Variants in NSUN7 observed in about 807,000 individuals in gnomAD.
NSUN7 encodes protein NSUN7.
Under a neutral mutation model 58.5 loss-of-function variants are expected in NSUN7, and 39 were observed. That is an observed-to-expected ratio of 0.67 (90% CI 0.52 to 0.87). NSUN7 has a LOEUF of 0.87. Among genes scored for constraint, NSUN7 ranks in the 40% least tolerant of loss-of-function variants. The probability of loss-of-function intolerance (pLI) is 0.00; values close to 1 mark genes in which losing one functional copy is unlikely to be tolerated. For synonymous variants in NSUN7, 278 were observed against 303.7 expected (o/e 0.92, Z 0.88); for missense variants, 765 against 844.1 (o/e 0.91, Z 1.16).
chr4:40,806,761 G>A (rs2437302), intron 10 of NSUN7, among the ~76,000 whole-genome samples: 124,244 of 152,024 alleles, frequency 0.82, 51,197 homozygotes, highest in African/African-American at 0.9. Context: ...AGCTTTTACT[G>A]CCATATTAGT....
In NSUN7 at chr4:40,774,258, T is replaced by C. The variant is rs775914064; in HGVS notation, c.489-7T>C. The stretch of plus-strand genomic sequence containing the variant: ...CAATAGATTAAGGATGGATTTTCTG[T>C]CTCTAGTTTTAAGATAAAATTGGCT... On this transcript the variant is annotated splice_polypyrimidine_tract_variant and splice_region_variant and intron_variant, in intron 4 of 11. Coordinates refer to ENST00000381782, the MANE Select transcript of NSUN7 (RefSeq NM_024677.6). 4 of 1,613,610 alleles carry C rather than the reference T, an allele frequency of 2.5e-6. No individual in the cohort carries two copies. Among genetic ancestry groups the C allele is most frequent in the Non-Finnish European group, 3.4e-6 (4 of 1,179,650 alleles).
At chr4:40,769,809 C>G (rs1442229489) in intron 4 of NSUN7, among the ~76,000 whole-genome samples, 1 of 152,218 alleles carries the variant, frequency 6.6e-6, no homozygotes, top group African/African-American at 2.4e-5. Flanking sequence ...TTCAGAAACT[C>G]TTCACCTGTT....
At chr4:40,755,060 T>A (rs1191001288) in intron 2 of NSUN7, among the ~76,000 whole-genome samples, 1 of 151,678 alleles carries the variant, frequency 6.6e-6, no homozygotes, top group African/African-American at 2.4e-5. Context: ...CTATTGAGAG[T>A]TTTGTCAAAG....
intron 2 of NSUN7, among the ~76,000 whole-genome samples, chr4:40,759,465 G>C (rs1324578944): frequency 2.0e-5 from 3 of 152,084 alleles, no homozygotes; most frequent in Non-Finnish European, 4.4e-5. Context: ...CATAACCTCT[G>C]CCTGGAATGC....
chr4:40,750,621 G>A lies in NSUN7; in HGVS notation c.-73G>A. The stretch of plus-strand genomic sequence containing the variant: ...TTCACAGAGACCATGCTGCAGATGC[G>A]AGGAAAGCCGTTTCCTGGAACATCG... On this transcript the variant is annotated 5_prime_UTR_variant, in exon 2 of 12. Transcript: ENST00000381782. The A allele has an allele frequency of 5.8e-6, 9 of 1,539,482 alleles. No individual in the cohort carries two copies. Among genetic ancestry groups the A allele is most frequent in the Non-Finnish European group, 8.0e-6 (9 of 1,130,048 alleles).
intron 9 of NSUN7, among the ~76,000 whole-genome samples, chr4:40,797,736 T>C (rs1743385453): frequency 6.6e-6 from 1 of 152,162 alleles, no homozygotes; most frequent in Non-Finnish European, 1.5e-5. Context: ...TGCACTCTAT[T>C]CTTAACACAG....
Position 40,787,878 on chromosome 4 carries a change from C to T in NSUN7, c.1037-2724C>T, listed in dbSNP as rs573062482. Among the ~76,000 whole-genome samples, 96 of 152,226 alleles carry T rather than the reference C, an allele frequency of 6.3e-4. 1 individual carries two copies. Among genetic ancestry groups the T allele is most frequent in the South Asian group, 3.5e-3 (17 of 4,818 alleles). On this transcript the variant is annotated intron_variant, in intron 7 of 11. Coordinates refer to ENST00000381782, the MANE Select transcript of NSUN7 (RefSeq NM_024677.6). ...ACGGAGTCTTGCTCTGTCGCCCAGACGACTAGAGTGCAGTAGCACGATCTT... is the reference window on the plus strand; with the variant it reads ...ACGGAGTCTTGCTCTGTCGCCCAGATGACTAGAGTGCAGTAGCACGATCTT...
chr4:40,803,618 A>G (rs1577587802), intron 10 of NSUN7, among the ~76,000 whole-genome samples: 1 of 151,460 alleles, frequency 6.6e-6, no homozygotes, highest in South Asian at 2.1e-4. Context: ...TCCTATTTTA[A>G]TAAGCTTTTT....
intron 2 of NSUN7, 93 bp from the exon 3 acceptor site, chr4:40,760,341 G>A (rs1276667758): frequency 1.2e-6 from 1 of 860,398 alleles, no homozygotes; most frequent in Non-Finnish European, 1.9e-6. Context: ...GAAAGTAAAT[G>A]TATTTTATGG....
rs76768481 is a variant in NSUN7 at position 40,780,282 on chromosome 4, AAATC to A, written c.1036+4047_1036+4050del. Among the ~76,000 whole-genome samples the A allele has an allele frequency of 6.0e-5, 9 of 150,424 alleles. No individual in the cohort carries two copies. The East Asian group carries it at 1.3e-3, about 23-fold the overall frequency. ...GCAACAGAGTGAGACTCCGTCTCAT[AAATC>A]AATCAATCAATCAATCAATCAATAA... On this transcript the variant is annotated intron_variant, in intron 7 of 11. Transcript: ENST00000381782.
chr4:40,760,526 A>C, intron 3 of NSUN7, 34 bp downstream of exon 3: 1 of 1,501,298 alleles, frequency 6.7e-7, no homozygotes, highest in Middle Eastern at 1.7e-4. Context: ...ACATCGTTTC[A>C]TGATTTTTTT....
At chr4:40,773,414 G>A (rs1021289515) in intron 4 of NSUN7, among the ~76,000 whole-genome samples, 2 of 152,174 alleles carry the variant, frequency 1.3e-5, no homozygotes, top group Non-Finnish European at 1.5e-5. Flanking sequence ...TGGGTGCGGT[G>A]GCTTACGCCT....
chr4:40,777,281 C>T lies in NSUN7; in HGVS notation c.1036+1022C>T, dbSNP rs2465569. ...AAAGTAAATTCCCTCTGGAGGAAAA[C>T]AACATCATCCTACATTTCTAATTAT... On this transcript the variant is annotated intron_variant, in intron 7 of 11. Coordinates refer to ENST00000381782, the MANE Select transcript of NSUN7 (RefSeq NM_024677.6). Among the ~76,000 whole-genome samples, 594 of 152,284 alleles carry T rather than the reference C, an allele frequency of 3.9e-3. 4 individuals are homozygous for T. The highest frequency in any genetic ancestry group is 0.014 in the African/African-American group (568 of 41,570).
intron 10 of NSUN7, 77 bp from the exon 11 acceptor site, chr4:40,806,984 G>A: frequency 1.4e-6 from 2 of 1,422,386 alleles, no homozygotes; most frequent in Non-Finnish European, 1.9e-6. Context: ...AGAAAAAAAT[G>A]TAGTGTAATT....
At position 40,782,173 on chromosome 4, in the gene NSUN7, TA is replaced by T. The variant is rs564158732; in HGVS notation, c.1036+5920del. Reference sequence around the variant, plus strand: ...TTCTATCTACCAACAATGAATAATCTAAAAAATGAAAGAAAATCCTTTTTAT... The same window carrying T: ...TTCTATCTACCAACAATGAATAATCTAAAAATGAAAGAAAATCCTTTTTAT... On this transcript the variant is annotated intron_variant, in intron 7 of 11. Transcript: ENST00000381782. Among the ~76,000 whole-genome samples the T allele has an allele frequency of 2.6e-5, 4 of 152,264 alleles. No homozygotes were observed. The South Asian group carries it at 8.3e-4, about 32-fold the overall frequency.
In NSUN7 at chr4:40,808,590, C is replaced by T. The variant is rs1743987172; in HGVS notation, c.1808C>T (p.Thr603Ile). The T allele has an allele frequency of 6.4e-7, 1 of 1,551,676 alleles. No homozygotes were observed. The highest frequency in any genetic ancestry group is 2.4e-5 in the East Asian group (1 of 40,928). Residue 603 changes from threonine (T) to isoleucine (I), a missense_variant, in exon 12 of 12, where the codon ACC (threonine) becomes ATC (isoleucine). Transcript: ENST00000381782. ...NTAQVGASSQTRKPNKLAPHP... is the reference protein window; with the variant it reads ...NTAQVGASSQIRKPNKLAPHP... ...GCTCAAGTGGGGGCTTCCTCACAGACCAGAAAACCCAACAAGCTGGCCCCC... is the reference window on the plus strand; with the variant it reads ...GCTCAAGTGGGGGCTTCCTCACAGATCAGAAAACCCAACAAGCTGGCCCCC...
chr4:40,796,933 CCTT>C (rs1486971396), intron 9 of NSUN7, among the ~76,000 whole-genome samples: 9 of 152,328 alleles, frequency 5.9e-5, no homozygotes, highest in South Asian at 2.1e-4. Flanking sequence ...TCTTTCCTCT[CCTT>C]CTTTTTTGAG....
In NSUN7 at chr4:40,807,061, G is replaced by A; in HGVS notation, c.1401G>A (p.Arg467=). ...QDLGNKGQPY[R]LSPPVLPLCS... ...GAATGCTTGTTCCTGTCTGCTGCAG[G>A]CTTAGTCCTCCTGTTCTTCCACTGT... The change falls in exon 11 of 12, where the codon AGG becomes AGA. Residue 467 remains arginine, a splice_region_variant and synonymous_variant. Transcript: ENST00000381782. 6.4e-7 allele frequency: 1 copy of A among 1,551,238 alleles called. No homozygotes were observed. Among genetic ancestry groups the A allele is most frequent in the Non-Finnish European group, 8.7e-7 (1 of 1,146,730 alleles).
chr4:40,802,889 T>C (rs901495425), intron 10 of NSUN7, among the ~76,000 whole-genome samples: 2 of 150,442 alleles, frequency 1.3e-5, no homozygotes, highest in Non-Finnish European at 3.0e-5. Context: ...GCTGCACCCA[T>C]TAACTTGTCA....
Sources: allele counts gnomAD v4.1 joint callset (sites outside exome capture counted in the v4.1 genomes callset), GRCh38; gene constraint gnomAD v4.1.1; transcripts MANE v1.5; gene names NCBI Gene and HGNC (gene_info 2026-07-23, HGNC 2026-07-21).